Variants in FBXO15 observed in about 807,000 individuals in gnomAD.
The protein encoded by FBXO15 is F-box only protein 15.
A neutral mutation model predicts 49.5 loss-of-function variants in FBXO15; 30 were observed. That is an observed-to-expected ratio of 0.61 (90% CI 0.45 to 0.82). The LOEUF is 0.82. Among genes scored for constraint, FBXO15 ranks in the 40% least tolerant of loss-of-function variants. FBXO15 has a pLI of 0.00. For missense variants in FBXO15, 591 were observed against 631.5 expected (o/e 0.94, Z 0.69); for synonymous variants, 250 against 232.7 (o/e 1.07, Z -0.68).
Position 74,109,024 on chromosome 18 carries a change from G to A in FBXO15, c.1138+14344C>T, listed in dbSNP as rs1403680306. On this transcript the variant is annotated intron_variant, in intron 8 of 9. Transcript: ENST00000419743. ...TTTCTTAGAAAAACAAATATTGAAG[G>A]AATTTGTTGCCACTAGACCTGCCTT... Among the ~76,000 whole-genome samples the A allele has an allele frequency of 3.3e-5, 5 of 152,102 alleles. 1 individual carries two copies. The highest frequency in any genetic ancestry group is 4.8e-5 in the African/African-American group (2 of 41,416).
chr18:74,113,568 T>G (rs1194747043), intron 8 of FBXO15, among the ~76,000 whole-genome samples: 2 of 152,158 alleles, frequency 1.3e-5, no homozygotes, highest in Non-Finnish European at 2.9e-5. Context: ...TCCTCCCAGT[T>G]TTGCTGTGAA....
At chr18:74,112,656 G>A (rs1914079713) in intron 8 of FBXO15, among the ~76,000 whole-genome samples, 2 of 152,194 alleles carry the variant, frequency 1.3e-5, no homozygotes, top group Non-Finnish European at 2.9e-5. Context: ...GGAAGTCCTA[G>A]CTAATGCAAT....
intron 9 of FBXO15, 96 bp downstream of exon 9, chr18:74,081,831 C>A: frequency 1.2e-6 from 1 of 864,548 alleles, no homozygotes; most frequent in South Asian, 2.6e-5. Flanking sequence ...AAAGAAACAT[C>A]ATACATATAT....
chr18:74,147,551 T>C (rs910227052), intron 1 of FBXO15, 119 bp downstream of exon 1: 12 of 1,288,492 alleles, frequency 9.3e-6, no homozygotes, highest in African/African-American at 9.3e-5. Context: ...CCTTCTCACG[T>C]TGAAGACGGC....
chr18:74,123,386 T>C lies in FBXO15; in HGVS notation c.1120A>G (p.Asn374Asp). The change falls in exon 8 of 10, where the codon AAT (asparagine) becomes GAT (aspartate). Residue 374 changes from asparagine (N) to aspartate (D), a missense_variant. Asn to Asp is a conservative substitution (Grantham distance 23). Transcript: ENST00000419743. ...ATTTCACCTCTCTTGGTGAAGAGATTGCGAAATGTACCACATAGGTAGAAA... is the reference window on the plus strand; with the variant it reads ...ATTTCACCTCTCTTGGTGAAGAGATCGCGAAATGTACCACATAGGTAGAAA... ...GVFYLCGTFR[N>D]LFTKRGNIEN... 1 of 1,609,466 alleles carries C rather than the reference T, an allele frequency of 6.2e-7. No homozygotes were observed. The highest frequency in any genetic ancestry group is 2.2e-5 in the East Asian group (1 of 44,802).
intron 7 of FBXO15, 96 bp downstream of exon 7, chr18:74,124,393 C>A: frequency 1.0e-6 from 1 of 992,924 alleles, no homozygotes; most frequent in Non-Finnish European, 1.5e-6. Flanking sequence ...AACAGAATAT[C>A]TCTGCAGCTA....
intron 8 of FBXO15, among the ~76,000 whole-genome samples, chr18:74,087,926 T>C (rs148137726): frequency 3.4e-3 from 515 of 152,348 alleles, no homozygotes; most frequent in African/African-American, 0.012. Flanking sequence ...TATAAGATGG[T>C]ATCTCACTGT....
At chr18:74,138,587 C>A (rs1325174692) in intron 2 of FBXO15, among the ~76,000 whole-genome samples, 1 of 152,100 alleles carries the variant, frequency 6.6e-6, no homozygotes, top group East Asian at 1.9e-4. Context: ...CCACCTCACC[C>A]AGCTCCATGA....
intron 9 of FBXO15, chr18:74,078,690 C>G (rs1029030570): frequency 6.6e-6 from 1 of 152,526 alleles, no homozygotes; most frequent in Non-Finnish European, 1.5e-5. Context: ...TCATCCCTCT[C>G]CTAAATCAGT....
rs1113144 is a variant in FBXO15, at chr18:74,107,551, G to A, written c.1138+15817C>T. On this transcript the variant is annotated intron_variant, in intron 8 of 9. Coordinates refer to ENST00000419743, the MANE Select transcript of FBXO15 (RefSeq NM_001142958.2). The stretch of plus-strand genomic sequence containing the variant: ...GAGACAGACAGGAGAATACAGAGAC[G>A]CGTAGCTCTATTGAGCCAAAACCTC... Among the ~76,000 whole-genome samples the A allele has an allele frequency of 4.6e-5, 7 of 151,982 alleles. No individual in the cohort carries two copies. In the East Asian group the frequency reaches 7.7e-4, roughly 17 times the overall value.
chr18:74,093,985 T>C (rs1913167657), intron 8 of FBXO15, among the ~76,000 whole-genome samples: 1 of 152,234 alleles, frequency 6.6e-6, no homozygotes, highest in Admixed American at 6.5e-5. Context: ...ATAAAATGTA[T>C]TGCTTAAATA....
chr18:74,117,719 G>A (rs1042474921), intron 8 of FBXO15, among the ~76,000 whole-genome samples: 6 of 152,088 alleles, frequency 3.9e-5, no homozygotes, highest in African/African-American at 7.2e-5. Flanking sequence ...GAAATAACAC[G>A]AAACATTTAG....
At chr18:74,082,271 T>A (rs74378884) in intron 8 of FBXO15, among the ~76,000 whole-genome samples, 6,707 of 152,164 alleles carry the variant, frequency 0.044, 202 homozygotes, top group East Asian at 0.12. Context: ...AGAAAGGTGA[T>A]GTCAAAGGTG....
intron 8 of FBXO15, among the ~76,000 whole-genome samples, chr18:74,110,486 A>G (rs531771766): frequency 6.6e-6 from 1 of 152,120 alleles, no homozygotes; most frequent in East Asian, 1.9e-4. Flanking sequence ...AGCATAGAAT[A>G]CATAAACAGG....
At chr18:74,134,733 T>C (rs1420209171) in intron 3 of FBXO15, among the ~76,000 whole-genome samples, 1 of 152,184 alleles carries the variant, frequency 6.6e-6, no homozygotes, top group African/African-American at 2.4e-5. Context: ...AGACTAGGGA[T>C]GGAAATGTTT....
At position 74,079,110 on chromosome 18, in the gene FBXO15, T is replaced by C. The variant is rs773609853; in HGVS notation, c.1263+2817A>G. On this transcript the variant is annotated intron_variant, in intron 9 of 9. Transcript: ENST00000419743. ...AAATAAAAATTGATGCCAATCTCCA[T>C]ATAGATTTAGAAGTAACATTAAAAT... Among the ~76,000 whole-genome samples the C allele has an allele frequency of 3.9e-5, 6 of 152,152 alleles. 1 individual carries two copies. Among genetic ancestry groups the C allele is most frequent in the Admixed American group, 3.9e-4 (6 of 15,278 alleles).
chr18:74,125,241 G>A (rs984108418), intron 6 of FBXO15, among the ~76,000 whole-genome samples: 1 of 152,186 alleles, frequency 6.6e-6, no homozygotes, highest in Non-Finnish European at 1.5e-5. Flanking sequence ...GCGAGTCACC[G>A]AATGCAGAGC....
chr18:74,112,008 A>G (rs1222069654), intron 8 of FBXO15, among the ~76,000 whole-genome samples: 1 of 152,224 alleles, frequency 6.6e-6, no homozygotes. Flanking sequence ...GATAATCTGA[A>G]CAGGCCTATA....
At chr18:74,130,811 A>T in intron 3 of FBXO15, 153 bp from the exon 4 acceptor site, 1 of 813,334 alleles carries the variant, frequency 1.2e-6, no homozygotes, top group Non-Finnish European at 1.8e-6. Flanking sequence ...TGTTAAAGTG[A>T]ATTGCAGTTT....
Sources: allele counts gnomAD v4.1 joint callset (sites outside exome capture counted in the v4.1 genomes callset), GRCh38; gene constraint gnomAD v4.1.1; transcripts MANE v1.5; gene names NCBI Gene and HGNC (gene_info 2026-07-23, HGNC 2026-07-21).